The following UNC5D variants were observed in gnomAD, a reference collection of about 807,000 sequenced individuals.
The protein encoded by UNC5D is unc-5 netrin receptor D, also known as netrin receptor UNC5D.
In UNC5D, 39 loss-of-function variants were observed where a neutral mutation model predicts 105.4. The observed-to-expected ratio is 0.37, with a 90% CI of 0.29 to 0.48. UNC5D has a LOEUF of 0.48. Ranked by LOEUF, UNC5D falls within the 20% of genes least tolerant of loss-of-function variation. The pLI is 0.98. For synonymous variants in UNC5D, 452 were observed against 450.4 expected (o/e 1.00, Z -0.04); for missense variants, 991 against 1,202.4 (o/e 0.82, Z 2.60).
At chr8:35,623,905 C>T (rs1821524360) in intron 4 of UNC5D, among the ~76,000 whole-genome samples, 1 of 151,952 alleles carries the variant, frequency 6.6e-6, no homozygotes, top group African/African-American at 2.4e-5. Context: ...ACGGTGAAAC[C>T]CCGTCTCTAC....
chr8:35,544,595 G>GTTT (rs775831187), intron 1 of UNC5D: 8,809 of 567,104 alleles, frequency 0.016, 9 homozygotes, highest in Middle Eastern at 0.018. Context: ...TTTCGTTTTC[G>GTTT]TTTTTTTTTT....
intron 5 of UNC5D, 58 bp downstream of exon 5, chr8:35,683,785 G>T (rs1013847368): frequency 3.6e-6 from 5 of 1,399,968 alleles, no homozygotes; most frequent in African/African-American, 1.5e-5. Flanking sequence ...GTAGAGGGAT[G>T]TGTGTTTTAT....
intron 3 of UNC5D, among the ~76,000 whole-genome samples, chr8:35,594,181 T>C (rs1157423393): frequency 6.6e-6 from 1 of 152,186 alleles, no homozygotes; most frequent in African/African-American, 2.4e-5. Flanking sequence ...TTGCCTTATA[T>C]ATACTCATGA....
intron 1 of UNC5D, among the ~76,000 whole-genome samples, chr8:35,282,551 G>A (rs1258376925): frequency 6.6e-6 from 1 of 151,984 alleles, no homozygotes; most frequent in Non-Finnish European, 1.5e-5. Context: ...ATATGACTTT[G>A]CCTAAACAAC....
chr8:35,431,509 G>A (rs565311130), intron 1 of UNC5D, among the ~76,000 whole-genome samples: 1 of 152,000 alleles, frequency 6.6e-6, no homozygotes, highest in South Asian at 2.1e-4. Flanking sequence ...AATGTTTCTA[G>A]GACTTCAAAA....
rs78575113 is a variant in UNC5D, at chr8:35,257,724, A to G, written c.103+21837A>G. On this transcript the variant is annotated intron_variant, in intron 1 of 16. Transcript: ENST00000404895. ...CCAGAGACTCCCTAAGACTATTGACACCATTGGTCAGTATTACCGCAGGAG... is the reference window on the plus strand; with the variant it reads ...CCAGAGACTCCCTAAGACTATTGACGCCATTGGTCAGTATTACCGCAGGAG... Among the ~76,000 whole-genome samples, 87 of 152,270 alleles carry G rather than the reference A, an allele frequency of 5.7e-4. No homozygotes were observed. In the East Asian group the frequency reaches 0.016, roughly 28 times the overall value.
rs755257715 is a variant in UNC5D, at chr8:35,239,022, C to T, written c.103+3135C>T. Among the ~76,000 whole-genome samples the T allele has an allele frequency of 3.2e-4, 49 of 152,262 alleles. 1 individual carries two copies. The highest frequency in any genetic ancestry group is 2.4e-3 in the Admixed American group (37 of 15,294). ...AAGAGTCTTTTTCCCCTATTTCCTG[C>T]CAGACTTATTTTTTCCTGATTCTTG... is the stretch of plus-strand genomic sequence containing the variant. On this transcript the variant is annotated intron_variant, in intron 1 of 16. Transcript: ENST00000404895.
intron 3 of UNC5D, among the ~76,000 whole-genome samples, chr8:35,576,621 T>C (rs1430773931): frequency 6.6e-6 from 1 of 152,122 alleles, no homozygotes; most frequent in Non-Finnish European, 1.5e-5. Context: ...TTTGTTTGTT[T>C]GTTTGTTTTG....
intron 1 of UNC5D, among the ~76,000 whole-genome samples, chr8:35,512,527 T>A (rs1374736015): frequency 1.2e-4 from 6 of 51,010 alleles, no homozygotes; most frequent in Non-Finnish European, 1.7e-4. Flanking sequence ...GATTATATAT[T>A]CAGATATGTA....
At chr8:35,241,212 C>A (rs1802783874) in intron 1 of UNC5D, among the ~76,000 whole-genome samples, 3 of 152,226 alleles carry the variant, frequency 2.0e-5, no homozygotes, top group African/African-American at 7.2e-5. Flanking sequence ...TGCATTTCCA[C>A]TTTGAAAAGA....
chr8:35,542,925 G>GGT (rs1815377658), intron 1 of UNC5D, among the ~76,000 whole-genome samples: 1 of 152,074 alleles, frequency 6.6e-6, no homozygotes, highest in South Asian at 2.1e-4. Flanking sequence ...TGAAGGTTGT[G>GGT]GTCATGGTGC....
chr8:35,399,874 T>G (rs1490843457), intron 1 of UNC5D, among the ~76,000 whole-genome samples: 1 of 152,118 alleles, frequency 6.6e-6, no homozygotes, highest in Non-Finnish European at 1.5e-5. Context: ...AATAGGCATT[T>G]GACACAATGG....
chr8:35,423,275 C>G (rs2128967943), intron 1 of UNC5D, among the ~76,000 whole-genome samples: 1 of 152,244 alleles, frequency 6.6e-6, no homozygotes, highest in African/African-American at 2.4e-5. Context: ...CACACGTGCC[C>G]TTGAGCATCT....
chr8:35,756,555 AAAAAAAAAAAAAG>A (rs2131668328), intron 13 of UNC5D, among the ~76,000 whole-genome samples: 1 of 150,706 alleles, frequency 6.6e-6, no homozygotes, highest in South Asian at 2.1e-4. Flanking sequence ...AGTCTTTAAA[AAAAAAAAAAAAAG>A]AAAAAAAGAA....
intron 4 of UNC5D, among the ~76,000 whole-genome samples, chr8:35,663,734 C>T (rs1416910490): frequency 6.6e-6 from 1 of 152,014 alleles, no homozygotes; most frequent in Admixed American, 6.6e-5. Context: ...TAATTACTCC[C>T]CACAAAATGC....
At chr8:35,545,366 T>C (rs1039040282) in intron 1 of UNC5D, among the ~76,000 whole-genome samples, 5 of 152,180 alleles carry the variant, frequency 3.3e-5, no homozygotes, top group Non-Finnish European at 7.3e-5. Context: ...TCCTGAAGAA[T>C]TCAGTTCAAA....
intron 1 of UNC5D, among the ~76,000 whole-genome samples, chr8:35,500,736 C>T (rs751009063): frequency 7.2e-5 from 11 of 152,230 alleles, no homozygotes; most frequent in East Asian, 5.8e-4. Context: ...TTGTATATCA[C>T]GGCTGCGTGA....
At chr8:35,754,207 A>G (rs1830411805) in intron 13 of UNC5D, among the ~76,000 whole-genome samples, 1 of 152,158 alleles carries the variant, frequency 6.6e-6, no homozygotes, top group Non-Finnish European at 1.5e-5. Context: ...CAGTAATAAT[A>G]TTTTCTGCAA....
chr8:35,471,816 G>T (rs1809751145), intron 1 of UNC5D, among the ~76,000 whole-genome samples: 3 of 152,174 alleles, frequency 2.0e-5, no homozygotes, highest in Admixed American at 2.0e-4. Flanking sequence ...TGTGATGTTT[G>T]GTGAGTGTTT....
Sources: allele counts gnomAD v4.1 joint callset (sites outside exome capture counted in the v4.1 genomes callset), GRCh38; gene constraint gnomAD v4.1.1; transcripts MANE v1.5; gene names NCBI Gene and HGNC (gene_info 2026-07-23, HGNC 2026-07-21).